PRKCQ: variants seen among roughly 807,000 people sequenced by gnomAD.
PRKCQ encodes protein kinase C theta type.
In PRKCQ, 41 loss-of-function variants were observed where a neutral mutation model predicts 91.2. The ratio of observed to expected loss-of-function variants is 0.45; its 90% CI spans 0.35 to 0.58. The LOEUF is 0.58. Ranked by LOEUF, PRKCQ falls within the 20% of genes least tolerant of loss-of-function variation. PRKCQ has a pLI of 0.00. For missense variants in PRKCQ, 673 were observed against 896.5 expected, an observed-to-expected ratio of 0.75 and a Z score of 3.18; for synonymous variants, 307 against 316.9, an observed-to-expected ratio of 0.97 and a Z score of 0.33.
At chr10:6,544,128 G>A (rs1052725371) in intron 1 of PRKCQ, among the ~76,000 whole-genome samples, 8 of 152,116 alleles carry the variant, frequency 5.3e-5, no homozygotes, top group Non-Finnish European at 8.8e-5. Context: ...TGGGAAAAAC[G>A]ATGTTGGAAG....
intron 13 of PRKCQ, among the ~76,000 whole-genome samples, chr10:6,463,479 C>G (rs1416041413): frequency 6.6e-6 from 1 of 152,170 alleles, no homozygotes; most frequent in Non-Finnish European, 1.5e-5. Flanking sequence ...AAAATTACCT[C>G]TGGGTGCATT....
chr10:6,505,618 TCCTTCCTTCCTTCCCTC>T (rs1403321852), intron 4 of PRKCQ, among the ~76,000 whole-genome samples: 3 of 147,550 alleles, frequency 2.0e-5, no homozygotes, highest in Non-Finnish European at 3.0e-5. Flanking sequence ...CTCTCTCCCT[TCCTTCCTTCCTTCCCTC>T]CCTTCCTTCC....
chr10:6,553,974 T>TAA (rs35281231), intron 1 of PRKCQ, among the ~76,000 whole-genome samples: 71,962 of 150,852 alleles, frequency 0.48, 19,466 homozygotes, highest in Admixed American at 0.61. Context: ...GTGGAAACAG[T>TAA]AAAAAAAAAC....
At chr10:6,454,576 T>C (rs1317476055) in intron 15 of PRKCQ, among the ~76,000 whole-genome samples, 2 of 152,068 alleles carry the variant, frequency 1.3e-5, no homozygotes, top group African/African-American at 2.4e-5. Context: ...CCTAGTTTTC[T>C]CTCTAGAAGA....
intron 2 of PRKCQ, among the ~76,000 whole-genome samples, chr10:6,514,299 G>A (rs144506231): frequency 2.0e-5 from 3 of 152,180 alleles, no homozygotes; most frequent in African/African-American, 7.2e-5. Flanking sequence ...TTGGAAATCC[G>A]TGGCAAACTT....
intron 1 of PRKCQ, among the ~76,000 whole-genome samples, chr10:6,530,672 A>G (rs529038765): frequency 1.3e-5 from 2 of 152,336 alleles, no homozygotes; most frequent in African/African-American, 4.8e-5. Context: ...GGCAATGTGA[A>G]TTGCTCACAT....
At chr10:6,531,417 G>C (rs1452271411) in intron 1 of PRKCQ, among the ~76,000 whole-genome samples, 1 of 151,132 alleles carries the variant, frequency 6.6e-6, no homozygotes, top group Non-Finnish European at 1.5e-5. Context: ...TGTGCTTCTG[G>C]TATCTAGTAG....
rs1554782549 is a variant in PRKCQ, at chr10:6,553,512, A to AACAAT, written c.-10+26698_-10+26699insATTGT. On this transcript the variant is annotated intron_variant, in intron 1 of 17. Coordinates refer to ENST00000263125, the MANE Select transcript of PRKCQ (RefSeq NM_006257.5). Reference sequence around the variant, plus strand: ...CTCAAAAAAAAAAAAAAAAAAAAAAAAAAAACAAACAAACAAAAGAAGAAG... The same window carrying AACAAT: ...CTCAAAAAAAAAAAAAAAAAAAAAAAACAATAAAAACAAACAAACAAAAGAAGAAG... 9.9e-5 allele frequency among the ~76,000 whole-genome samples: 14 copies of AACAAT among 140,804 alleles called. 2 individuals carry two copies. Among genetic ancestry groups the AACAAT allele is most frequent in the Admixed American group, 9.8e-4 (14 of 14,298 alleles). 92.4% of individuals were successfully genotyped at this position (140,804 alleles called of 152,430 possible). A position where few individuals can be genotyped will look rare whatever the true frequency, so the allele number is the denominator to read the frequency against.
chr10:6,420,087 C>A, the PRKCQ span, among the ~76,000 whole-genome samples: 8 of 152,148 alleles, frequency 5.3e-5, no homozygotes, highest in African/African-American at 1.9e-4. Flanking sequence ...CTCCCGGGTT[C>A]AAGTGATTCT....
At chr10:6,420,051 C>T in the PRKCQ span, among the ~76,000 whole-genome samples, 1 of 151,994 alleles carries the variant, frequency 6.6e-6, no homozygotes, top group Non-Finnish European at 1.5e-5. Context: ...TGCAGTGGTG[C>T]GATCTCGGCT....
chr10:6,452,272 G>T (rs185800648), intron 15 of PRKCQ, among the ~76,000 whole-genome samples: 13 of 152,222 alleles, frequency 8.5e-5, no homozygotes, highest in Non-Finnish European at 1.3e-4. Context: ...AGCATTCTTA[G>T]ACACCAATAA....
chr10:6,500,559 C>T (rs1199898278), intron 4 of PRKCQ, among the ~76,000 whole-genome samples: 1 of 150,674 alleles, frequency 6.6e-6, no homozygotes, highest in Admixed American at 6.6e-5. Flanking sequence ...GAATTAATAC[C>T]CTGTTATTTT....
chr10:6,561,169 G>C (rs1308802076), intron 1 of PRKCQ, among the ~76,000 whole-genome samples: 1 of 151,852 alleles, frequency 6.6e-6, no homozygotes, highest in Non-Finnish European at 1.5e-5. Flanking sequence ...CCAAGGGTTT[G>C]AGGCTAGCCT....
downstream of PRKCQ, among the ~76,000 whole-genome samples, chr10:6,424,118 A>AAAACC (rs1203498048): frequency 3.3e-5 from 5 of 152,106 alleles, no homozygotes; most frequent in Non-Finnish European, 7.4e-5. Flanking sequence ...TTCTCGGGGC[A>AAAACC]AAACCAAACC....
intron 1 of PRKCQ, among the ~76,000 whole-genome samples, chr10:6,535,089 C>G (rs566355766): frequency 1.3e-5 from 2 of 152,112 alleles, no homozygotes; most frequent in Non-Finnish European, 2.9e-5. Flanking sequence ...CCAAGGCTGC[C>G]GAGCTTGTAA....
intron 1 of PRKCQ, among the ~76,000 whole-genome samples, chr10:6,532,773 A>G (rs1839437697): frequency 6.6e-6 from 1 of 152,210 alleles, no homozygotes. Context: ...TTTACAGTTT[A>G]CAAATAGCTT....
At chr10:6,463,266 G>T (rs1027468564) in intron 13 of PRKCQ, among the ~76,000 whole-genome samples, 1 of 152,182 alleles carries the variant, frequency 6.6e-6, no homozygotes, top group Non-Finnish European at 1.5e-5. Flanking sequence ...ATCACTGGTG[G>T]GATTAAGGTC....
chr10:6,448,197 T>C (rs1450893237), intron 15 of PRKCQ, among the ~76,000 whole-genome samples: 1 of 152,132 alleles, frequency 6.6e-6, no homozygotes, highest in African/African-American at 2.4e-5. Flanking sequence ...CTCCAGCCTG[T>C]GAGTGGATAA....
the PRKCQ span, among the ~76,000 whole-genome samples, chr10:6,395,079 T>TA: frequency 3.4e-5 from 5 of 145,198 alleles, no homozygotes; most frequent in African/African-American, 5.2e-5. Flanking sequence ...TTTTTTTTTT[T>TA]TGAGACGGAG....
Sources: allele counts gnomAD v4.1 joint callset (sites outside exome capture counted in the v4.1 genomes callset), GRCh38; gene constraint gnomAD v4.1.1; transcripts MANE v1.5; gene names NCBI Gene and HGNC (gene_info 2026-07-23, HGNC 2026-07-21).